The following NRXN3 variants were observed in gnomAD, a reference collection of about 807,000 sequenced individuals.
The protein encoded by NRXN3 is neurexin 3.
Under a neutral mutation model 137.6 loss-of-function variants are expected in NRXN3, and 32 were observed. The observed-to-expected ratio is 0.23, with a 90% CI of 0.18 to 0.31. The LOEUF (loss-of-function observed/expected upper bound fraction) is 0.31, where lower values mean the gene tolerates loss of function less well. Among genes scored for constraint, NRXN3 ranks in the 10% least tolerant of loss-of-function variants. The pLI, the probability that NRXN3 is intolerant of heterozygous loss-of-function variation, is 1.00. For missense variants in NRXN3, 1,574 were observed against 2,062.5 expected (o/e 0.76, Z 4.59); for synonymous variants, 798 against 784.5 (o/e 1.02, Z -0.29).
At chr14:78,251,156 T>G (rs1444934747) in intron 2 of NRXN3, among the ~76,000 whole-genome samples, 2 of 152,190 alleles carry the variant, frequency 1.3e-5, no homozygotes, top group African/African-American at 4.8e-5. Flanking sequence ...ACCTTTGGTT[T>G]CCCAGGTACC....
intron 1 of NRXN3, among the ~76,000 whole-genome samples, chr14:78,184,403 T>C (rs1017597448): frequency 6.6e-6 from 1 of 152,200 alleles, no homozygotes; most frequent in Non-Finnish European, 1.5e-5. Flanking sequence ...AATGAGGCAG[T>C]TGGCAAATTT....
chr14:78,348,076 C>T (rs144639471), intron 4 of NRXN3, among the ~76,000 whole-genome samples: 29 of 152,170 alleles, frequency 1.9e-4, no homozygotes, highest in Middle Eastern at 6.8e-3. Flanking sequence ...CTAGGAAAAA[C>T]GTGTCGGAAG....
At chr14:78,564,498 T>C (rs557140515) in intron 4 of NRXN3, among the ~76,000 whole-genome samples, 1 of 147,858 alleles carries the variant, frequency 6.8e-6, no homozygotes, top group African/African-American at 2.7e-5. Context: ...TGTTTAGAAA[T>C]TTACCAGGCA....
At chr14:79,295,671 A>G (rs769832336) in intron 15 of NRXN3, among the ~76,000 whole-genome samples, 11 of 152,130 alleles carry the variant, frequency 7.2e-5, no homozygotes, top group Non-Finnish European at 1.6e-4. Flanking sequence ...ATGCTTCACA[A>G]ATATGGGCTC....
At chr14:78,235,758 C>G (rs1330971535) in intron 1 of NRXN3, among the ~76,000 whole-genome samples, 2 of 152,196 alleles carry the variant, frequency 1.3e-5, no homozygotes, top group African/African-American at 4.8e-5. Flanking sequence ...GTTTCCCCTT[C>G]TTTTTCCTAA....
intron 15 of NRXN3, among the ~76,000 whole-genome samples, chr14:79,272,117 C>T (rs985696356): frequency 6.6e-6 from 1 of 152,090 alleles, no homozygotes; most frequent in Admixed American, 6.6e-5. Flanking sequence ...TCTCTATTCC[C>T]CTGTGTGCTT....
intron 15 of NRXN3, among the ~76,000 whole-genome samples, chr14:79,166,839 C>A (rs753167157): frequency 6.6e-6 from 1 of 151,926 alleles, no homozygotes; most frequent in Non-Finnish European, 1.5e-5. Flanking sequence ...AGTGAATACA[C>A]TAATCTTAAC....
chr14:79,782,622 CA>C (rs776667279), intron 19 of NRXN3, among the ~76,000 whole-genome samples: 3 of 152,146 alleles, frequency 2.0e-5, no homozygotes, highest in Non-Finnish European at 4.4e-5. Flanking sequence ...ATATGATTTT[CA>C]TGCTCTCTTG....
At chr14:78,434,876 G>A (rs1167829266) in intron 4 of NRXN3, among the ~76,000 whole-genome samples, 3 of 152,198 alleles carry the variant, frequency 2.0e-5, no homozygotes, top group African/African-American at 7.2e-5. Context: ...GTGGTGAGAA[G>A]AGAGGGAAAC....
intron 15 of NRXN3, among the ~76,000 whole-genome samples, chr14:79,055,543 A>T (rs1335288801): frequency 6.6e-6 from 1 of 152,188 alleles, no homozygotes. Flanking sequence ...GAAAACATCT[A>T]AGGTCATTTA....
At chr14:79,332,920 C>A (rs1462819986) in intron 15 of NRXN3, among the ~76,000 whole-genome samples, 1 of 152,102 alleles carries the variant, frequency 6.6e-6, no homozygotes, top group Non-Finnish European at 1.5e-5. Flanking sequence ...GTAATGACCA[C>A]CCTTTTCTCT....
At chr14:79,490,416 G>A (rs540226864) in intron 16 of NRXN3, among the ~76,000 whole-genome samples, 7 of 152,246 alleles carry the variant, frequency 4.6e-5, no homozygotes, top group Non-Finnish European at 8.8e-5. Context: ...AGCAACCTAA[G>A]TGTCCATTAA....
At chr14:79,770,382 C>A (rs965678510) in intron 19 of NRXN3, among the ~76,000 whole-genome samples, 2 of 147,644 alleles carry the variant, frequency 1.4e-5, no homozygotes, top group African/African-American at 5.0e-5. Context: ...AAGTAAAGCT[C>A]TCCTCAGCAA....
intron 15 of NRXN3, among the ~76,000 whole-genome samples, chr14:79,268,835 T>C (rs1326635908): frequency 8.5e-5 from 13 of 152,180 alleles, no homozygotes; most frequent in Admixed American, 8.5e-4. Flanking sequence ...CTTATACACA[T>C]TAATCAAGTA....
chr14:78,415,194 A>G (rs146016133), intron 4 of NRXN3, among the ~76,000 whole-genome samples: 13 of 152,132 alleles, frequency 8.5e-5, no homozygotes, highest in Non-Finnish European at 1.8e-4. Context: ...TTAAATGGGG[A>G]TGATATTTAG....
At chr14:78,297,462 C>G (rs183583832) in intron 3 of NRXN3, among the ~76,000 whole-genome samples, 4 of 152,174 alleles carry the variant, frequency 2.6e-5, no homozygotes, top group Non-Finnish European at 5.9e-5. Flanking sequence ...TACCTGGCGT[C>G]TTAAGTCTGC....
At chr14:79,123,355 T>G (rs1051816571) in intron 15 of NRXN3, among the ~76,000 whole-genome samples, 2 of 152,172 alleles carry the variant, frequency 1.3e-5, no homozygotes, top group Non-Finnish European at 2.9e-5. Flanking sequence ...TTCCCCTAAA[T>G]TGAGTCTCTC....
chr14:78,922,881 T>C (rs1815011450), intron 10 of NRXN3, among the ~76,000 whole-genome samples: 2 of 152,152 alleles, frequency 1.3e-5, no homozygotes, highest in African/African-American at 2.4e-5. Flanking sequence ...AAAATAATAA[T>C]AGTGTTCTTT....
chr14:78,850,502 C>G (rs928044774), intron 10 of NRXN3, among the ~76,000 whole-genome samples: 1 of 152,140 alleles, frequency 6.6e-6, no homozygotes, highest in Non-Finnish European at 1.5e-5. Flanking sequence ...AGAAAGGTAT[C>G]TACACGTATT....
Sources: allele counts gnomAD v4.1 joint callset (sites outside exome capture counted in the v4.1 genomes callset), GRCh38; gene constraint gnomAD v4.1.1; transcripts MANE v1.5; gene names NCBI Gene and HGNC (gene_info 2026-07-23, HGNC 2026-07-21).